Variants in TNNI3K observed in about 807,000 individuals in gnomAD.
TNNI3K encodes the protein serine/threonine-protein kinase TNNI3K.
TNNI3K carries 140 observed loss-of-function variants against 114.5 expected under a neutral mutation model. That is an observed-to-expected ratio of 1.22 (90% confidence interval 1.07 to 1.41). The LOEUF is 1.41. TNNI3K is among the 40% of genes most tolerant of loss of function. The pLI is 0.00. For missense variants in TNNI3K, 1,125 were observed against 1,007.6 expected, an observed-to-expected ratio of 1.12 and a Z score of -1.58; for synonymous variants, 347 against 347.5, an observed-to-expected ratio of 1.00 and a Z score of 0.02.
At chr1:74,327,617 ATAG>A (rs1400415274) in intron 5 of TNNI3K, among the ~76,000 whole-genome samples, 4 of 142,366 alleles carry the variant, frequency 2.8e-5, no homozygotes, top group South Asian at 2.2e-4. Context: ...TATTATATTA[ATAG>A]TATTATTATA....
At chr1:74,250,507 C>T (rs1173737317) in intron 3 of TNNI3K, among the ~76,000 whole-genome samples, 165 bp from the exon 4 acceptor site, 2 of 152,032 alleles carry the variant, frequency 1.3e-5, no homozygotes, top group Admixed American at 6.6e-5. Context: ...AGAAATATCC[C>T]CTAGTAAGTA....
intron 9 of TNNI3K, among the ~76,000 whole-genome samples, chr1:74,350,950 C>T (rs973000395): frequency 2.6e-5 from 4 of 151,972 alleles, no homozygotes; most frequent in Admixed American, 6.6e-5. Flanking sequence ...TTAATTGGAG[C>T]ATTTAGCCCA....
chr1:74,455,027 G>A (rs1258786905), intron 20 of TNNI3K, among the ~76,000 whole-genome samples: 1 of 152,010 alleles, frequency 6.6e-6, no homozygotes, highest in African/African-American at 2.4e-5. Context: ...TCTGGGCCAG[G>A]AACTGTGCCA....
intron 5 of TNNI3K, among the ~76,000 whole-genome samples, chr1:74,326,106 C>A (rs569786180): frequency 6.6e-6 from 1 of 151,886 alleles, no homozygotes; most frequent in Non-Finnish European, 1.5e-5. Flanking sequence ...TGAAGAAGAT[C>A]CAAAGAAATA....
intron 23 of TNNI3K, 37 bp downstream of exon 23, chr1:74,492,303 T>G: frequency 6.2e-6 from 9 of 1,447,146 alleles, no homozygotes; most frequent in African/African-American, 1.4e-5. Context: ...CAGTAAAGTC[T>G]TATTTCAGAA....
intron 9 of TNNI3K, among the ~76,000 whole-genome samples, chr1:74,344,834 G>C (rs912483914): frequency 2.6e-5 from 4 of 151,970 alleles, no homozygotes; most frequent in Non-Finnish European, 5.9e-5. Context: ...TAATGTTTTT[G>C]TTATATTCAT....
intron 20 of TNNI3K, among the ~76,000 whole-genome samples, chr1:74,457,452 C>T (rs770738723): frequency 6.6e-6 from 1 of 152,104 alleles, no homozygotes; most frequent in Admixed American, 6.6e-5. Flanking sequence ...TCTGGTGATA[C>T]GTCATTGAAA....
intron 18 of TNNI3K, 36 bp from the exon 19 acceptor site, chr1:74,436,438 T>G: frequency 6.4e-7 from 1 of 1,554,340 alleles, no homozygotes; most frequent in Non-Finnish European, 8.6e-7. Context: ...TTTTAAGATA[T>G]TTCCTTTGAC....
chr1:74,463,028 T>G (rs1667516102), intron 20 of TNNI3K, among the ~76,000 whole-genome samples: 1 of 152,172 alleles, frequency 6.6e-6, no homozygotes, highest in Non-Finnish European at 1.5e-5. Context: ...AAGTGCAAAT[T>G]TCAGTGGTAT....
intron 5 of TNNI3K, among the ~76,000 whole-genome samples, chr1:74,314,405 C>G (rs376215922): frequency 7.5e-4 from 114 of 151,908 alleles, no homozygotes; most frequent in Non-Finnish European, 1.1e-3. Flanking sequence ...CAAATAAAGT[C>G]GCTTTCTTTG....
chr1:74,507,641 C>T (rs1669974979), intron 23 of TNNI3K, among the ~76,000 whole-genome samples: 1 of 152,146 alleles, frequency 6.6e-6, no homozygotes, highest in Non-Finnish European at 1.5e-5. Flanking sequence ...TTCTTGTTCT[C>T]CTTCACATTA....
At chr1:74,485,356 T>C (rs1668701072) in intron 21 of TNNI3K, among the ~76,000 whole-genome samples, 1 of 152,342 alleles carries the variant, frequency 6.6e-6, no homozygotes, top group East Asian at 1.9e-4. Context: ...TCATTTATTT[T>C]AGTCCTACCT....
Position 74,367,359 on chromosome 1 carries a change from T to A in TNNI3K, c.1264+17T>A. On this transcript the variant is annotated intron_variant, in intron 12 of 24. Transcript: ENST00000326637. ...CTGGAGGAGGTACCCCTTTTCTTAT[T>A]CAGTTTTCATTATTGTATAATATAT... The A allele has an allele frequency of 6.2e-7, 1 of 1,610,260 alleles. No homozygotes were observed. Among genetic ancestry groups the A allele is most frequent in the African/African-American group, 1.3e-5 (1 of 74,820 alleles).
chr1:74,336,295 A>G (rs1244401456), intron 7 of TNNI3K, 146 bp downstream of exon 7: 14 of 1,082,340 alleles, frequency 1.3e-5, no homozygotes, highest in Non-Finnish European at 1.7e-5. Flanking sequence ...ATTCATCTTT[A>G]ATATATTTAT....
chr1:74,441,608 C>T (rs1014650993), intron 20 of TNNI3K, among the ~76,000 whole-genome samples: 2 of 151,972 alleles, frequency 1.3e-5, no homozygotes, highest in South Asian at 2.1e-4. Flanking sequence ...CAACAGTAGT[C>T]GGTGAGAATT....
chr1:74,409,376 TTA>T (rs1463498451), intron 17 of TNNI3K, among the ~76,000 whole-genome samples: 8 of 152,184 alleles, frequency 5.3e-5, no homozygotes, highest in African/African-American at 1.9e-4. Context: ...TTTTTTGAGG[TTA>T]TGTTTAAATA....
chr1:74,277,698 C>T (rs892092901), intron 5 of TNNI3K, among the ~76,000 whole-genome samples: 7 of 152,064 alleles, frequency 4.6e-5, no homozygotes, highest in Non-Finnish European at 7.4e-5. Context: ...TTTCTGCAGC[C>T]GTTGACAACT....
Position 74,250,753 on chromosome 1 carries a change from AT to A in TNNI3K, c.320del (p.Leu107Ter). The A allele has an allele frequency of 6.2e-7, 1 of 1,611,958 alleles. No homozygotes were observed. The highest frequency in any genetic ancestry group is 8.5e-7 in the Non-Finnish European group (1 of 1,179,112). The stretch of plus-strand genomic sequence containing the variant: ...ACAAGAAATGGATTTACAGCCTTGC[AT>A]TTAGCAGTTTACAAGGTAGGACACT... ...RLTRNGFTAL[H>X]LAVYKDNAEL... On this transcript the variant is annotated frameshift_variant, in exon 4 of 25. Coordinates refer to ENST00000326637, the MANE Select transcript of TNNI3K (RefSeq NM_015978.3). LOFTEE classifies it high-confidence loss of function.
chr1:74,431,598 G>A (rs1665901958), intron 17 of TNNI3K, among the ~76,000 whole-genome samples: 1 of 152,186 alleles, frequency 6.6e-6, no homozygotes, highest in African/African-American at 2.4e-5. Flanking sequence ...CTGGGGCAAG[G>A]AGCTGAGGAG....
Sources: allele counts gnomAD v4.1 joint callset (sites outside exome capture counted in the v4.1 genomes callset), GRCh38; gene constraint gnomAD v4.1.1; transcripts MANE v1.5; gene names NCBI Gene and HGNC (gene_info 2026-07-23, HGNC 2026-07-21).